Variants in ATP9A observed in about 807,000 individuals in gnomAD.
ATP9A encodes ATPase phospholipid transporting 9A, also known as probable phospholipid-transporting ATPase IIA.
ATP9A carries 52 observed loss-of-function variants against 144.1 expected under a neutral mutation model. That is an observed-to-expected ratio of 0.36 (90% CI 0.29 to 0.45). The LOEUF (loss-of-function observed/expected upper bound fraction) is 0.45. Ranked by LOEUF, ATP9A falls within the 20% of genes least tolerant of loss-of-function variation. The pLI is 1.00. For synonymous variants in ATP9A, 582 were observed against 557.4 expected, an observed-to-expected ratio of 1.04 and a Z score of -0.62; for missense variants, 947 against 1,392.7, an observed-to-expected ratio of 0.68 and a Z score of 5.09.
At chr20:51,753,234 T>G (rs1196161156) in intron 1 of ATP9A, among the ~76,000 whole-genome samples, 3 of 152,198 alleles carry the variant, frequency 2.0e-5, no homozygotes, top group African/African-American at 7.2e-5. Context: ...CAAAGAAATA[T>G]GCTGTCATTC....
chr20:51,632,080 AT>A (rs969339005), intron 15 of ATP9A, among the ~76,000 whole-genome samples: 1 of 151,574 alleles, frequency 6.6e-6, no homozygotes, highest in African/African-American at 2.4e-5. Context: ...CTTTTTCTTT[AT>A]TTTTTTGAGA....
chr20:51,602,872 T>C (rs968525411), intron 27 of ATP9A, among the ~76,000 whole-genome samples: 3 of 152,184 alleles, frequency 2.0e-5, no homozygotes, highest in Non-Finnish European at 2.9e-5. Flanking sequence ...CTGTTTATAA[T>C]ATTATATATA....
Position 51,622,092 on chromosome 20 carries a change from G to A in ATP9A, c.2097C>T (p.Asp699=), listed in dbSNP as rs370051932. The A allele has an allele frequency of 2.7e-5, 44 of 1,613,992 alleles. No individual in the cohort carries two copies. The highest frequency in any genetic ancestry group is 3.6e-5 in the Non-Finnish European group (43 of 1,180,002). Reference sequence around the variant, plus strand: ...ACTTTACCAGCCGAAAAACGTGGATGTCTTGGTTTCTGGTCACCAGATGTG... The same window carrying A: ...ACTTTACCAGCCGAAAAACGTGGATATCTTGGTTTCTGGTCACCAGATGTG... ...KNAHLVTRNQ[D]IHVFRLVTNR... The change falls in exon 19 of 28, where the codon GAC becomes GAT. Residue 699 remains aspartate (D), a synonymous_variant. Coordinates refer to ENST00000338821, the MANE Select transcript of ATP9A (RefSeq NM_006045.3).
intron 14 of ATP9A, among the ~76,000 whole-genome samples, chr20:51,654,283 G>A (rs2077378611): frequency 6.6e-6 from 1 of 152,004 alleles, no homozygotes; most frequent in South Asian, 2.1e-4. Flanking sequence ...AAATTCCACT[G>A]CCCAAAAAAG....
At chr20:51,630,608 G>A (rs1361206056) in intron 15 of ATP9A, among the ~76,000 whole-genome samples, 7 of 152,052 alleles carry the variant, frequency 4.6e-5, no homozygotes, top group Admixed American at 4.6e-4. Context: ...AGGCAAGGCT[G>A]GAGAATCACT....
intron 16 of ATP9A, 65 bp downstream of exon 16, chr20:51,628,915 T>C: frequency 4.3e-6 from 6 of 1,401,054 alleles, no homozygotes; most frequent in Admixed American, 1.7e-5. Flanking sequence ...CACCTTACCA[T>C]GCAAGGGGCT....
chr20:51,642,726 C>CAAAAAAAA (rs778440862), intron 14 of ATP9A, among the ~76,000 whole-genome samples: 24 of 31,140 alleles, frequency 7.7e-4, no homozygotes, highest in Middle Eastern at 0.018. Context: ...ACTCTGTCTC[C>CAAAAAAAA]AAAAAAAAAA....
chr20:51,696,050 G>A, intron 6 of ATP9A, 43 bp downstream of exon 6: 1 of 1,553,970 alleles, frequency 6.4e-7, no homozygotes, highest in South Asian at 1.1e-5. Context: ...AATTACCACT[G>A]AAAGGTTAAT....
chr20:51,638,331 C>T (rs1447862853), intron 15 of ATP9A, among the ~76,000 whole-genome samples: 4 of 149,390 alleles, frequency 2.7e-5, no homozygotes, highest in Non-Finnish European at 5.9e-5. Flanking sequence ...ATGAAAGAGC[C>T]TTATTCCAAA....
intron 9 of ATP9A, among the ~76,000 whole-genome samples, chr20:51,681,415 C>T (rs1601100704): frequency 6.8e-6 from 1 of 146,904 alleles, no homozygotes; most frequent in South Asian, 2.1e-4. Context: ...CTCTATAGCC[C>T]ATCCTAAATT....
intron 13 of ATP9A, among the ~76,000 whole-genome samples, chr20:51,663,500 C>A (rs538055563): frequency 1.3e-5 from 2 of 152,188 alleles, no homozygotes; most frequent in South Asian, 2.1e-4. Flanking sequence ...AAAAAAAATT[C>A]TTCCTCAAGA....
intron 11 of ATP9A, among the ~76,000 whole-genome samples, chr20:51,671,803 ACT>A (rs2077457153): frequency 6.9e-6 from 1 of 145,012 alleles, no homozygotes; most frequent in Admixed American, 6.9e-5. Flanking sequence ...GAATTTGACT[ACT>A]TTTTTTTTTT....
rs1245813121 is a variant in ATP9A at position 51,596,831 on chromosome 20, GAAAGT to G, written c.*4375_*4379del. On this transcript the variant is annotated 3_prime_UTR_variant, in exon 28 of 28. Coordinates refer to ENST00000338821, the MANE Select transcript of ATP9A (RefSeq NM_006045.3). ...GCAACGAGCCACGCTGGCAAACAATGAAAGTAGAGTCGCTCAGAAACACGAAAGAT... is the reference window on the plus strand; with the variant it reads ...GCAACGAGCCACGCTGGCAAACAATGAGAGTCGCTCAGAAACACGAAAGAT... 2 of 152,232 alleles carry G rather than the reference GAAAGT, an allele frequency of 1.3e-5. No individual in the cohort carries two copies. The highest frequency in any genetic ancestry group is 4.8e-5 in the African/African-American group (2 of 41,458). 9.4% of individuals were successfully genotyped at this position (152,232 alleles called of 1,614,324 possible).
intron 14 of ATP9A, among the ~76,000 whole-genome samples, chr20:51,656,452 C>T (rs920076221): frequency 1.3e-5 from 2 of 152,072 alleles, no homozygotes; most frequent in Non-Finnish European, 2.9e-5. Context: ...ATTCAGGAGG[C>T]TGAGGCAGGA....
intron 1 of ATP9A, among the ~76,000 whole-genome samples, chr20:51,732,167 C>G (rs1197198740): frequency 6.6e-6 from 1 of 152,148 alleles, no homozygotes; most frequent in Admixed American, 6.6e-5. Context: ...AAACGAGGTG[C>G]TCTGAGGACC....
rs11268017 is a variant in ATP9A, at chr20:51,651,156, A to ATATATATATATATATG, written c.1506+5781_1506+5782insCATATATATATATATA. On this transcript the variant is annotated intron_variant, in intron 14 of 27. Transcript: ENST00000338821. ...ACTGGTCCTCTCTCTCTCTCTCCAT[A>ATATATATATATATATG]TATATATATACACACACACACACAA... Among the ~76,000 whole-genome samples the ATATATATATATATATG allele has an allele frequency of 2.7e-4, 34 of 126,928 alleles. 3 individuals carry two copies. The highest frequency in any genetic ancestry group is 1.7e-3 in the South Asian group (7 of 4,016). The allele number at this position is 126,928 out of a possible 152,430, so 83.3% of individuals were successfully genotyped here.
At chr20:51,624,869 G>T (rs2077241385) in intron 18 of ATP9A, among the ~76,000 whole-genome samples, 1 of 152,054 alleles carries the variant, frequency 6.6e-6, no homozygotes, top group Non-Finnish European at 1.5e-5. Flanking sequence ...GCCAGGCGTG[G>T]TGGTACGTGC....
rs954200528 is a variant in ATP9A at position 51,599,411 on chromosome 20, G to A, written c.*1800C>T. 6.6e-6 allele frequency: 1 copy of A among 152,144 alleles called. No homozygotes were observed. The highest frequency in any genetic ancestry group is 1.5e-5 in the Non-Finnish European group (1 of 68,030). The allele number at this position is 152,144 out of a possible 1,614,324, so 9.4% of individuals were successfully genotyped here. On this transcript the variant is annotated 3_prime_UTR_variant, in exon 28 of 28. Coordinates refer to ENST00000338821, the MANE Select transcript of ATP9A (RefSeq NM_006045.3). ...CTCACTCAATGAATACGTCAGATTTGCTCAATCTTTCTGAAATTTTTGGAC... is the reference window on the plus strand; with the variant it reads ...CTCACTCAATGAATACGTCAGATTTACTCAATCTTTCTGAAATTTTTGGAC...
chr20:51,639,558 C>A, intron 14 of ATP9A, 54 bp from the exon 15 acceptor site: 2 of 1,548,984 alleles, frequency 1.3e-6, no homozygotes, highest in Non-Finnish European at 8.7e-7. Context: ...TCTGGGTTCA[C>A]AGGCTGTGCT....
Sources: gnomAD v4.1 joint callset for allele counts (sites outside exome capture counted in the v4.1 genomes callset) on GRCh38, gnomAD v4.1.1 for gene constraint, MANE v1.5 for transcripts, NCBI Gene and HGNC (gene_info 2026-07-23, HGNC 2026-07-21) for gene names.